Variants in GAREM1 observed in about 807,000 individuals in gnomAD.
GAREM1 encodes GRB2 associated regulator of MAPK1 subtype 1.
A neutral mutation model predicts 71.3 loss-of-function variants in GAREM1; 26 were observed. The observed-to-expected ratio is 0.36, with a 90% CI of 0.27 to 0.51. The LOEUF (loss-of-function observed/expected upper bound fraction) is 0.51. Among genes scored for constraint, GAREM1 ranks in the 20% least tolerant of loss-of-function variants. The pLI is 0.95. For synonymous variants in GAREM1, 440 were observed against 433.2 expected (o/e 1.02, Z -0.20); for missense variants, 1,026 against 1,103.1 (o/e 0.93, Z 0.99).
At chr18:32,422,435 A>G (rs755078103) in intron 1 of GAREM1, among the ~76,000 whole-genome samples, 16 of 152,180 alleles carry the variant, frequency 1.1e-4, no homozygotes, top group African/African-American at 1.9e-4. Context: ...CTGCAGTGAC[A>G]TTTCGTATTT....
intron 2 of GAREM1, among the ~76,000 whole-genome samples, chr18:32,352,974 T>A (rs2047766523): frequency 6.6e-6 from 1 of 152,158 alleles, no homozygotes; most frequent in African/African-American, 2.4e-5. Flanking sequence ...AAGGAGTCAA[T>A]TTTTTATTAA....
rs35309414 is a variant in GAREM1, at chr18:32,364,875, G to GACACAC, written c.262+28014_262+28019dup. 2.4e-4 allele frequency among the ~76,000 whole-genome samples: 34 copies of GACACAC among 144,578 alleles called. 1 individual carries two copies. The South Asian group carries it at 2.7e-3, about 11-fold the overall frequency. 94.8% of individuals were successfully genotyped at this position (144,578 alleles called of 152,430 possible). A position where few individuals can be genotyped will look rare whatever the true frequency, so the allele number is the denominator to read the frequency against. On this transcript the variant is annotated intron_variant, in intron 2 of 5. Transcript: ENST00000269209. ...TGTGCGAGGCACATATAAGAGCACA[G>GACACAC]ACACACACACACACACACACACACA...
At chr18:32,329,389 A>T (rs2047506853) in intron 2 of GAREM1, among the ~76,000 whole-genome samples, 1 of 152,000 alleles carries the variant, frequency 6.6e-6, no homozygotes, top group South Asian at 2.1e-4. Flanking sequence ...GAAAAAAAAA[A>T]AAGGTATTGC....
intron 1 of GAREM1, among the ~76,000 whole-genome samples, chr18:32,409,222 T>C (rs144501177): frequency 1.3e-5 from 2 of 152,294 alleles, no homozygotes; most frequent in East Asian, 3.9e-4. Context: ...TAAGTCTAAA[T>C]ATAAATTAAG....
chr18:32,355,228 TATCTAGGAGTTTCAAAATTTTACAA>T (rs2047792519), intron 2 of GAREM1, among the ~76,000 whole-genome samples: 1 of 152,160 alleles, frequency 6.6e-6, no homozygotes, highest in Admixed American at 6.5e-5. Flanking sequence ...TTTCCACATC[TATCTAGGAGTTTCAAAATTTTACAA>T]ATCTACATCT....
intron 1 of GAREM1, among the ~76,000 whole-genome samples, chr18:32,445,318 G>T (rs371677214): frequency 2.7e-5 from 4 of 150,760 alleles, no homozygotes; most frequent in African/African-American, 9.7e-5. Flanking sequence ...TAAACCCCCC[G>T]CCCCTGCAAA....
intron 1 of GAREM1, among the ~76,000 whole-genome samples, chr18:32,395,810 G>A (rs1158606416): frequency 6.6e-6 from 1 of 152,190 alleles, no homozygotes; most frequent in Non-Finnish European, 1.5e-5. Context: ...GCTTTGAAGA[G>A]TGTAGTGGTT....
At chr18:32,401,825 C>T (rs1031880699) in intron 1 of GAREM1, among the ~76,000 whole-genome samples, 3 of 152,118 alleles carry the variant, frequency 2.0e-5, no homozygotes, top group African/African-American at 7.2e-5. Flanking sequence ...TCTAAAGAGG[C>T]AGCCAAGAAA....
In GAREM1 at chr18:32,396,531, C is replaced by T. The variant is rs534121705; in HGVS notation, c.122-3496G>A. On this transcript the variant is annotated intron_variant, in intron 1 of 5. Coordinates refer to ENST00000269209, the MANE Select transcript of GAREM1 (RefSeq NM_001242409.2). ...AATGCACAAGCTTCAGTAGCCGATGCGATCAACTGGAAGAAAGGGTATCAG... is the reference window on the plus strand; with the variant it reads ...AATGCACAAGCTTCAGTAGCCGATGTGATCAACTGGAAGAAAGGGTATCAG... 4.3e-3 allele frequency among the ~76,000 whole-genome samples: 659 copies of T among 152,090 alleles called. 3 individuals carry two copies. Among genetic ancestry groups the T allele is most frequent in the Non-Finnish European group, 5.3e-3 (362 of 68,008 alleles).
At chr18:32,464,155 G>A (rs2048977849) in intron 1 of GAREM1, among the ~76,000 whole-genome samples, 1 of 151,986 alleles carries the variant, frequency 6.6e-6, no homozygotes, top group African/African-American at 2.4e-5. Context: ...GTTGGGCGTG[G>A]TAGTGCATGC....
chr18:32,282,102 C>A (rs1352429865), intron 4 of GAREM1, among the ~76,000 whole-genome samples: 3 of 152,140 alleles, frequency 2.0e-5, no homozygotes, highest in African/African-American at 7.2e-5. Context: ...CCACCCCTAT[C>A]TCCCTTCGCT....
intron 2 of GAREM1, among the ~76,000 whole-genome samples, chr18:32,378,499 G>GA (rs201544063): frequency 0.032 from 3,115 of 97,754 alleles, 20 homozygotes; most frequent in African/African-American, 0.043. Flanking sequence ...GACTGTCTCC[G>GA]AAAAAAAAAA....
chr18:32,288,073 T>C lies in GAREM1; in HGVS notation c.524A>G (p.Asn175Ser). Residue 175 changes from asparagine to serine, a missense_variant, in exon 4 of 6, where the codon AAC becomes AGC. Asn to Ser is a conservative substitution (Grantham distance 46). Around this residue, in one of 3 missense-constraint regions of GAREM1, gnomAD observed 218 missense variants for 296.8 expected, o/e 0.73. Coordinates refer to ENST00000269209, the MANE Select transcript of GAREM1 (RefSeq NM_001242409.2). The part of the protein sequence containing the change: ...AKTFKEKSRL[N>S]TIFKKIGKLN... ...CTTCCCAATCTTTTTGAAGATTGTG[T>C]TGAGTCGTGACTTTTCCTTGAATGT... The C allele has an allele frequency of 6.2e-7, 1 of 1,614,164 alleles. No homozygotes were observed. Among genetic ancestry groups the C allele is most frequent in the Non-Finnish European group, 8.5e-7 (1 of 1,180,034 alleles).
intron 2 of GAREM1, among the ~76,000 whole-genome samples, chr18:32,357,224 C>T (rs1049779548): frequency 2.0e-5 from 3 of 152,206 alleles, no homozygotes; most frequent in Non-Finnish European, 4.4e-5. Flanking sequence ...TGCCTGTAAT[C>T]CCAACACTCT....
At chr18:32,400,512 A>C (rs1256201580) in intron 1 of GAREM1, among the ~76,000 whole-genome samples, 1 of 152,252 alleles carries the variant, frequency 6.6e-6, no homozygotes, top group Non-Finnish European at 1.5e-5. Flanking sequence ...AAGTGGGTGA[A>C]GGATATGAAC....
intron 3 of GAREM1, among the ~76,000 whole-genome samples, chr18:32,309,314 C>A (rs371344446): frequency 6.7e-6 from 1 of 149,180 alleles, no homozygotes; most frequent in African/African-American, 2.5e-5. Flanking sequence ...CTGCACTGTC[C>A]CTTTAAGAAT....
At chr18:32,350,731 T>C (rs915223406) in intron 2 of GAREM1, among the ~76,000 whole-genome samples, 1 of 152,184 alleles carries the variant, frequency 6.6e-6, no homozygotes, top group African/African-American at 2.4e-5. Flanking sequence ...AAACAATAAA[T>C]TGTTTTCATT....
At chr18:32,335,925 G>T (rs1208077781) in intron 2 of GAREM1, among the ~76,000 whole-genome samples, 1 of 152,198 alleles carries the variant, frequency 6.6e-6, no homozygotes, top group African/African-American at 2.4e-5. Flanking sequence ...TGGAAGAGCA[G>T]AGTGACCATG....
chr18:32,325,884 G>A lies in GAREM1; in HGVS notation c.263-15561C>T, dbSNP rs567940429. On this transcript the variant is annotated intron_variant, in intron 2 of 5. Transcript: ENST00000269209. Reference sequence around the variant, plus strand: ...CGAGGATGACTAAACATATATGAAGGGCTTAACACAGTAAGTGGCACATGA... The same window carrying A: ...CGAGGATGACTAAACATATATGAAGAGCTTAACACAGTAAGTGGCACATGA... Among the ~76,000 whole-genome samples the A allele has an allele frequency of 6.4e-4, 98 of 152,210 alleles. 1 individual carries two copies. Among genetic ancestry groups the A allele is most frequent in the African/African-American group, 2.2e-3 (92 of 41,538 alleles).
Sources: allele counts gnomAD v4.1 joint callset (sites outside exome capture counted in the v4.1 genomes callset), GRCh38; gene constraint gnomAD v4.1.1; regional missense constraint gnomAD v4.1.1; transcripts MANE v1.5; gene names NCBI Gene and HGNC (gene_info 2026-07-23, HGNC 2026-07-21).